The following WWP2 variants were observed in gnomAD, a reference collection of about 807,000 sequenced individuals.
WWP2 encodes NEDD4-like E3 ubiquitin-protein ligase WWP2.
WWP2 carries 57 observed loss-of-function variants against 121.0 expected under a neutral mutation model. The observed-to-expected ratio is 0.47, with a 90% confidence interval of 0.38 to 0.59. The LOEUF is 0.59. WWP2 is among the 20% of genes least tolerant of loss of function. The pLI, the probability that WWP2 is intolerant of heterozygous loss-of-function variation, is 0.00. For missense variants in WWP2, 962 were observed against 1,158.9 expected (o/e 0.83, Z 2.47); for synonymous variants, 449 against 441.3 (o/e 1.02, Z -0.22).
chr16:69,853,134 A>T (rs1241650890), intron 6 of WWP2, among the ~76,000 whole-genome samples: 1 of 152,236 alleles, frequency 6.6e-6, no homozygotes, highest in African/African-American at 2.4e-5. Context: ...AAGTAGTCTA[A>T]TGGATGAATT....
intron 4 of WWP2, among the ~76,000 whole-genome samples, chr16:69,806,632 A>C (rs927217098): frequency 6.6e-6 from 1 of 152,010 alleles, no homozygotes; most frequent in Admixed American, 6.6e-5. Context: ...TCTTGACTCA[A>C]TTTTGTTAAC....
intron 4 of WWP2, among the ~76,000 whole-genome samples, chr16:69,835,233 C>T (rs953413538): frequency 6.6e-6 from 1 of 152,164 alleles, no homozygotes; most frequent in Non-Finnish European, 1.5e-5. Flanking sequence ...CAGAGGGCCC[C>T]AGAGGTGAGG....
chr16:69,825,285 A>G (rs565719215), intron 4 of WWP2, among the ~76,000 whole-genome samples: 29 of 151,604 alleles, frequency 1.9e-4, no homozygotes, highest in Non-Finnish European at 3.4e-4. Context: ...TTAGCTGGGC[A>G]TGGTGGCAGG....
chr16:69,858,328 C>A (rs760071247), intron 6 of WWP2, among the ~76,000 whole-genome samples: 1 of 152,100 alleles, frequency 6.6e-6, no homozygotes, highest in Non-Finnish European at 1.5e-5. Flanking sequence ...GTGTCCCCAG[C>A]AGGACCTAGA....
chr16:69,801,540 A>G (rs985933548), intron 4 of WWP2, among the ~76,000 whole-genome samples: 1 of 151,180 alleles, frequency 6.6e-6, no homozygotes, highest in Non-Finnish European at 1.5e-5. Flanking sequence ...TGGCCAATTA[A>G]TTAATTTTTA....
At chr16:69,870,086 C>T (rs1042513394) in intron 6 of WWP2, among the ~76,000 whole-genome samples, 12 of 152,162 alleles carry the variant, frequency 7.9e-5, no homozygotes, top group Non-Finnish European at 1.5e-4. Flanking sequence ...TGAATCTTTG[C>T]ATCATTTGGC....
At chr16:69,809,194 T>C (rs2056341478) in intron 4 of WWP2, among the ~76,000 whole-genome samples, 1 of 152,230 alleles carries the variant, frequency 6.6e-6, no homozygotes, top group African/African-American at 2.4e-5. Context: ...AAATGTGGAT[T>C]GCAACAGGGC....
chr16:69,839,806 A>G (rs1355818160), intron 4 of WWP2, among the ~76,000 whole-genome samples: 3 of 152,218 alleles, frequency 2.0e-5, no homozygotes, highest in Non-Finnish European at 2.9e-5. Flanking sequence ...TCTGTACGCC[A>G]TCAATATCCC....
At chr16:69,932,914 G>T (rs950086005) in intron 16 of WWP2, among the ~76,000 whole-genome samples, 2 of 152,220 alleles carry the variant, frequency 1.3e-5, no homozygotes, top group African/African-American at 4.8e-5. Flanking sequence ...ACCTCTCCCG[G>T]TGTGGGCATG....
intron 1 of WWP2, among the ~76,000 whole-genome samples, chr16:69,784,359 C>T (rs2055737163): frequency 6.6e-6 from 1 of 152,136 alleles, no homozygotes; most frequent in Non-Finnish European, 1.5e-5. Context: ...CTTGGCCTCC[C>T]AGAGCGCTGG....
At chr16:69,824,186 C>T (rs1223003111) in intron 4 of WWP2, among the ~76,000 whole-genome samples, 6 of 152,310 alleles carry the variant, frequency 3.9e-5, no homozygotes, top group South Asian at 2.1e-4. Flanking sequence ...CTGTGGCTGC[C>T]GGAATAGCCA....
chr16:69,868,696 C>T (rs984970553), intron 6 of WWP2, among the ~76,000 whole-genome samples: 3 of 151,352 alleles, frequency 2.0e-5, no homozygotes, highest in African/African-American at 7.3e-5. Context: ...CACACACAGA[C>T]ATACACACAC....
At position 69,840,124 on chromosome 16, in the gene WWP2, A is replaced by G; in HGVS notation, c.341-2A>G. On this transcript the variant is annotated splice_acceptor_variant, in intron 4 of 23. Coordinates refer to ENST00000359154, the MANE Select transcript of WWP2 (RefSeq NM_001270454.2). LOFTEE classifies it high-confidence loss of function. Reference sequence around the variant, plus strand: ...ATCCATGTTGCCTTTTGTACCCCACAGTGGAGAACATGCAGCTGACCCTGA... The same window carrying G: ...ATCCATGTTGCCTTTTGTACCCCACGGTGGAGAACATGCAGCTGACCCTGA... 2 of 1,614,266 alleles carry G rather than the reference A, an allele frequency of 1.2e-6. No homozygotes were observed. The highest frequency in any genetic ancestry group is 1.7e-5 in the Admixed American group (1 of 60,034).
At chr16:69,912,166 G>T (rs1207239799) in intron 9 of WWP2, among the ~76,000 whole-genome samples, 1 of 152,040 alleles carries the variant, frequency 6.6e-6, no homozygotes, top group African/African-American at 2.4e-5. Flanking sequence ...GCACACACCT[G>T]TAGTCCCAGC....
rs533864550 is a variant in WWP2 at position 69,842,627 on chromosome 16, C to G, written c.575+507C>G. 2.0e-5 allele frequency among the ~76,000 whole-genome samples: 3 copies of G among 152,296 alleles called. No individual in the cohort carries two copies. The East Asian group carries it at 5.8e-4, about 29-fold the overall frequency. Reference sequence around the variant, plus strand: ...GATTTGCTTAGGATAATGGCCTCCACTCTCCGGCTATATTCATGTCCCTGC... The same window carrying G: ...GATTTGCTTAGGATAATGGCCTCCAGTCTCCGGCTATATTCATGTCCCTGC... On this transcript the variant is annotated intron_variant, in intron 6 of 23. Transcript: ENST00000359154.
At position 69,935,211 on chromosome 16, in the gene WWP2, C is replaced by A. The variant is rs148216757; in HGVS notation, c.1843-642C>A. Among the ~76,000 whole-genome samples, 1,219 of 152,302 alleles carry A rather than the reference C, an allele frequency of 8.0e-3. 15 individuals carry two copies. The highest frequency in any genetic ancestry group is 0.027 in the African/African-American group (1,102 of 41,560). The stretch of plus-strand genomic sequence containing the variant: ...CTGCCTTCCTGAGTGTCCCACCCGG[C>A]TCCCCTCTTAGGAGGACCCAAGCGC... On this transcript the variant is annotated intron_variant, in intron 17 of 23. Coordinates refer to ENST00000359154, the MANE Select transcript of WWP2 (RefSeq NM_001270454.2). The surrounding 1 kb of genome is among the most constrained non-coding windows in gnomAD (Gnocchi z 5.2).
chr16:69,802,310 T>G (rs2056186523), intron 4 of WWP2, among the ~76,000 whole-genome samples: 1 of 152,166 alleles, frequency 6.6e-6, no homozygotes, highest in East Asian at 1.9e-4. Flanking sequence ...GTTAGTGGTG[T>G]TAAGTACATT....
chr16:69,899,748 A>T (rs1387573670), intron 8 of WWP2, among the ~76,000 whole-genome samples: 5 of 150,926 alleles, frequency 3.3e-5, no homozygotes, highest in Non-Finnish European at 7.4e-5. Context: ...AAAAAAAAAA[A>T]AAATCAAGTT....
chr16:69,875,062 T>C (rs1194433259), intron 7 of WWP2, among the ~76,000 whole-genome samples: 2 of 151,842 alleles, frequency 1.3e-5, no homozygotes, highest in East Asian at 1.9e-4. Flanking sequence ...ATCTCATAAG[T>C]TGTCATAAGG....
Sources: gnomAD v4.1 joint callset for allele counts (sites outside exome capture counted in the v4.1 genomes callset) on GRCh38, gnomAD v4.1.1 for gene constraint, Gnocchi (gnomAD v3.1) non-coding constraint, MANE v1.5 for transcripts, NCBI Gene and HGNC (gene_info 2026-07-23, HGNC 2026-07-21) for gene names.